Variants in PPP2R2B observed in about 807,000 individuals in gnomAD.
The protein encoded by PPP2R2B is protein phosphatase 2 regulatory subunit Bbeta.
PPP2R2B carries 5 observed loss-of-function variants against 46.0 expected under a neutral mutation model. That is an observed-to-expected ratio of 0.11 (90% CI 0.06 to 0.23). The LOEUF (loss-of-function observed/expected upper bound fraction) is 0.23, where lower values mean the gene tolerates loss of function less well. Ranked by LOEUF, PPP2R2B falls within the 10% of genes least tolerant of loss-of-function variation. The pLI is 1.00. For missense variants in PPP2R2B, 367 were observed against 575.0 expected (o/e 0.64, Z 3.70); for synonymous variants, 215 against 206.7 (o/e 1.04, Z -0.34).
At chr5:146,763,687 A>G (rs557429491) in intron 2 of PPP2R2B, among the ~76,000 whole-genome samples, 2 of 152,296 alleles carry the variant, frequency 1.3e-5, no homozygotes, top group African/African-American at 4.8e-5. Flanking sequence ...GTCATGTGCC[A>G]CCTGCTATGT....
chr5:146,767,350 T>C (rs1189784475), intron 2 of PPP2R2B, among the ~76,000 whole-genome samples: 1 of 152,128 alleles, frequency 6.6e-6, no homozygotes, highest in Middle Eastern at 3.2e-3. Flanking sequence ...TAGCAGTCCA[T>C]GGTCAGAAAT....
Position 146,750,117 on chromosome 5 carries a change from G to GT in PPP2R2B, c.71-48976dup, listed in dbSNP as rs1218246099. Among the ~76,000 whole-genome samples the GT allele has an allele frequency of 9.9e-5, 15 of 152,120 alleles. 1 individual carries two copies. The highest frequency in any genetic ancestry group is 9.8e-4 in the Admixed American group (15 of 15,272). ...AACTGAGTTGAACATATTTGTGTGG[G>GT]TTTGTTTTTGGATTCTTTATTCTGT... is the stretch of plus-strand genomic sequence containing the variant. On this transcript the variant is annotated intron_variant, in intron 2 of 9. Coordinates refer to ENST00000394411, the MANE Select transcript of PPP2R2B (RefSeq NM_181675.4).
chr5:146,615,052 C>T (rs1224076753), intron 7 of PPP2R2B, among the ~76,000 whole-genome samples: 3 of 92,600 alleles, frequency 3.2e-5, no homozygotes, highest in East Asian at 3.7e-4. Flanking sequence ...CACATGCACA[C>T]GTATGTTTAT....
chr5:146,760,245 AC>A (rs1022066785), intron 2 of PPP2R2B, among the ~76,000 whole-genome samples: 11 of 152,154 alleles, frequency 7.2e-5, no homozygotes, highest in Admixed American at 5.9e-4. Flanking sequence ...ATTCCTGGCA[AC>A]CCTATAAGGT....
intron 7 of PPP2R2B, among the ~76,000 whole-genome samples, chr5:146,632,953 T>C (rs1774540191): frequency 6.6e-6 from 1 of 152,150 alleles, no homozygotes; most frequent in Non-Finnish European, 1.5e-5. Flanking sequence ...GAGTTCAGGC[T>C]TAATTCCTTT....
intron 1 of PPP2R2B, among the ~76,000 whole-genome samples, chr5:146,984,204 C>T (rs1204680860): frequency 1.3e-5 from 2 of 152,150 alleles, no homozygotes; most frequent in South Asian, 2.1e-4. Context: ...ACTTATTTCT[C>T]TTGTTTACTG....
At chr5:146,923,356 T>A (rs1198270667) in intron 1 of PPP2R2B, among the ~76,000 whole-genome samples, 1 of 152,204 alleles carries the variant, frequency 6.6e-6, no homozygotes, top group African/African-American at 2.4e-5. Flanking sequence ...TAGAACTGGA[T>A]TGCATGATGT....
intron 2 of PPP2R2B, among the ~76,000 whole-genome samples, chr5:146,735,992 T>C (rs1394756572): frequency 2.0e-5 from 3 of 152,200 alleles, no homozygotes; most frequent in South Asian, 4.1e-4. Flanking sequence ...AATCTCATCT[T>C]GAATTGTAGT....
At chr5:147,060,182 A>C (rs1161475158), upstream of PPP2R2B, among the ~76,000 whole-genome samples, 1 of 152,206 alleles carries the variant, frequency 6.6e-6, no homozygotes, top group Non-Finnish European at 1.5e-5. Context: ...TTGATGCCTC[A>C]GACTGGATCA....
chr5:146,910,709 T>C (rs1021109426), intron 1 of PPP2R2B, among the ~76,000 whole-genome samples: 5 of 152,244 alleles, frequency 3.3e-5, no homozygotes, highest in Admixed American at 2.0e-4. Context: ...TTACATTGTA[T>C]TGTACAATTT....
At chr5:146,833,212 C>T (rs544647821) in intron 2 of PPP2R2B, among the ~76,000 whole-genome samples, 1 of 152,152 alleles carries the variant, frequency 6.6e-6, no homozygotes, top group Admixed American at 6.5e-5. Context: ...CATCATCAAA[C>T]AGATCATCTT....
intron 2 of PPP2R2B, among the ~76,000 whole-genome samples, chr5:146,711,583 G>C (rs963150695): frequency 2.0e-5 from 3 of 152,180 alleles, no homozygotes; most frequent in Non-Finnish European, 4.4e-5. Context: ...TTGGGGGAGA[G>C]AGGATGTCCA....
chr5:147,072,728 G>T (rs116240059), intron 2 of PPP2R2B, among the ~76,000 whole-genome samples: 1 of 152,094 alleles, frequency 6.6e-6, no homozygotes, highest in South Asian at 2.1e-4. Context: ...CCCTGACCAG[G>T]TATTGTGCAG....
intron 2 of PPP2R2B, among the ~76,000 whole-genome samples, chr5:146,756,915 C>T (rs1181639432): frequency 6.6e-6 from 1 of 152,142 alleles, no homozygotes; most frequent in Admixed American, 6.5e-5. Context: ...AAATGTGGTT[C>T]CTCTCCTTGC....
chr5:146,730,218 A>G (rs1435881147), intron 2 of PPP2R2B, among the ~76,000 whole-genome samples: 1 of 152,230 alleles, frequency 6.6e-6, no homozygotes, highest in Non-Finnish European at 1.5e-5. Flanking sequence ...TAGGCTCAGT[A>G]ACCCCTTTGT....
chr5:146,842,288 C>G (rs1311392997), intron 2 of PPP2R2B, among the ~76,000 whole-genome samples: 1 of 152,212 alleles, frequency 6.6e-6, no homozygotes, highest in Non-Finnish European at 1.5e-5. Context: ...AAATTCTCCC[C>G]GCTATGGAGA....
chr5:147,064,418 G>GT (rs1267174354), intron 2 of PPP2R2B, among the ~76,000 whole-genome samples: 2 of 152,120 alleles, frequency 1.3e-5, no homozygotes, highest in African/African-American at 4.8e-5. Flanking sequence ...AATCCAAAAT[G>GT]TTTTCTGACA....
intron 1 of PPP2R2B, among the ~76,000 whole-genome samples, chr5:146,938,919 T>C (rs2151827805): frequency 6.6e-6 from 1 of 152,070 alleles, no homozygotes; most frequent in South Asian, 2.1e-4. Flanking sequence ...TAGCTGGGAC[T>C]ACAGGCGCAT....
At chr5:146,846,387 ATAATAG>A (rs1200217889) in intron 2 of PPP2R2B, among the ~76,000 whole-genome samples, 2 of 145,492 alleles carry the variant, frequency 1.4e-5, no homozygotes, top group Admixed American at 1.4e-4. Context: ...TCAAAAAATA[ATAATAG>A]TAAAAGTCAG....
Sources: allele counts gnomAD v4.1 joint callset (sites outside exome capture counted in the v4.1 genomes callset), GRCh38; gene constraint gnomAD v4.1.1; transcripts MANE v1.5; gene names NCBI Gene and HGNC (gene_info 2026-07-23, HGNC 2026-07-21).